Variants in LRRTM4 observed in about 807,000 individuals in gnomAD.
The protein encoded by LRRTM4 is leucine-rich repeat transmembrane neuronal protein 4.
In LRRTM4, 25 loss-of-function variants were observed where a neutral mutation model predicts 47.6. The observed-to-expected ratio is 0.53, with a 90% CI of 0.38 to 0.73. LRRTM4 has a LOEUF of 0.73. LRRTM4 is among the 30% of genes least tolerant of loss of function. The probability of loss-of-function intolerance (pLI) is 0.00; values close to 1 mark genes in which losing one functional copy is unlikely to be tolerated. For missense variants in LRRTM4, 638 were observed against 713.4 expected, an observed-to-expected ratio of 0.89 and a Z score of 1.20; for synonymous variants, 311 against 269.5, an observed-to-expected ratio of 1.15 and a Z score of -1.51.
chr2:76,940,820 A>C, intron 3 of LRRTM4, among the ~76,000 whole-genome samples: 1 of 152,102 alleles, frequency 6.6e-6, no homozygotes, highest in Non-Finnish European at 1.5e-5. Flanking sequence ...CCAGAATTTA[A>C]ACCTGATAGC....
chr2:77,054,389 C>G (rs918040373), intron 3 of LRRTM4, among the ~76,000 whole-genome samples: 4 of 152,206 alleles, frequency 2.6e-5, no homozygotes, highest in African/African-American at 9.7e-5. Context: ...AGCAGCCACT[C>G]TTATTTCCAA....
chr2:77,146,012 T>G (rs919250663), intron 3 of LRRTM4, among the ~76,000 whole-genome samples: 2 of 152,056 alleles, frequency 1.3e-5, no homozygotes, highest in Admixed American at 6.6e-5. Context: ...CTGCTTCAGG[T>G]TGGGTAAACA....
At chr2:77,087,976 A>G (rs1000757597) in intron 3 of LRRTM4, among the ~76,000 whole-genome samples, 10 of 152,138 alleles carry the variant, frequency 6.6e-5, no homozygotes, top group Admixed American at 2.0e-4. Context: ...GTTGAGTGCA[A>G]CCCCAGAGAT....
At chr2:76,893,271 A>T (rs1673311599) in intron 3 of LRRTM4, among the ~76,000 whole-genome samples, 2 of 151,616 alleles carry the variant, frequency 1.3e-5, no homozygotes, top group African/African-American at 2.4e-5. Context: ...ACATACAAGA[A>T]ATTCTAATTT....
intron 3 of LRRTM4, among the ~76,000 whole-genome samples, chr2:77,224,812 C>T (rs975729061): frequency 4.9e-4 from 74 of 152,190 alleles, no homozygotes; most frequent in African/African-American, 1.8e-3. Context: ...GGTGATTCCT[C>T]TCAGGGATCT....
intron 3 of LRRTM4, among the ~76,000 whole-genome samples, chr2:77,027,981 TAA>T (rs11368002): frequency 2.0e-5 from 3 of 149,528 alleles, no homozygotes; most frequent in Non-Finnish European, 3.0e-5. Flanking sequence ...GTTTACAAAT[TAA>T]AAAAAAAACT....
chr2:77,296,395 T>G lies in LRRTM4; in HGVS notation c.1551+221923A>C, dbSNP rs137856632. ...AGCATCTTCGATTTTTTTGGCCTAT[T>G]TATTCAGTAACAGTATCATTACCTT... On this transcript the variant is annotated intron_variant, in intron 3 of 3. Coordinates refer to ENST00000409884, the MANE Select transcript of LRRTM4 (RefSeq NM_001134745.3). 1.6e-3 allele frequency among the ~76,000 whole-genome samples: 241 copies of G among 152,284 alleles called. 1 individual carries two copies. Among genetic ancestry groups the G allele is most frequent in the African/African-American group, 5.5e-3 (227 of 41,578 alleles).
intron 3 of LRRTM4, among the ~76,000 whole-genome samples, chr2:76,757,204 A>C (rs12612861): frequency 0.073 from 11,081 of 152,134 alleles, 782 homozygotes; most frequent in East Asian, 0.31. Context: ...GACTATTGGG[A>C]CAATTTTAAA....
intron 3 of LRRTM4, among the ~76,000 whole-genome samples, chr2:77,509,007 A>G (rs1261577068): frequency 6.6e-6 from 1 of 152,170 alleles, no homozygotes; most frequent in Non-Finnish European, 1.5e-5. Flanking sequence ...CAGGGCGGGC[A>G]GATCACCCGA....
chr2:77,381,373 A>G (rs1267670899), intron 3 of LRRTM4, among the ~76,000 whole-genome samples: 1 of 152,114 alleles, frequency 6.6e-6, no homozygotes, highest in African/African-American at 2.4e-5. Flanking sequence ...TCTTGTATAG[A>G]TGATATCATT....
At chr2:77,414,024 T>G (rs1033288343) in intron 3 of LRRTM4, among the ~76,000 whole-genome samples, 1 of 152,132 alleles carries the variant, frequency 6.6e-6, no homozygotes, top group African/African-American at 2.4e-5. Context: ...TGAGGAGATA[T>G]TTGCAATACT....
chr2:77,210,550 A>G (rs141119323), intron 3 of LRRTM4, among the ~76,000 whole-genome samples: 13 of 152,198 alleles, frequency 8.5e-5, no homozygotes, highest in Non-Finnish European at 1.6e-4. Context: ...TAATCTTTAT[A>G]TCCATTTTAT....
intron 3 of LRRTM4, among the ~76,000 whole-genome samples, chr2:77,186,831 G>A (rs1338235442): frequency 2.0e-5 from 3 of 152,102 alleles, no homozygotes; most frequent in African/African-American, 4.8e-5. Context: ...ATACTACAAC[G>A]AATCTTCAGA....
intron 3 of LRRTM4, among the ~76,000 whole-genome samples, chr2:76,825,391 T>C (rs1378560937): frequency 1.3e-5 from 2 of 151,572 alleles, no homozygotes; most frequent in Admixed American, 1.3e-4. Context: ...ATATTCTGAA[T>C]AGAGAGGGAA....
chr2:77,303,684 C>T (rs905680816), intron 3 of LRRTM4, among the ~76,000 whole-genome samples: 3 of 152,160 alleles, frequency 2.0e-5, no homozygotes, highest in Admixed American at 2.0e-4. Context: ...TTTTAGATTT[C>T]ACATGTAAGT....
chr2:77,205,562 G>C (rs146788944), intron 3 of LRRTM4, among the ~76,000 whole-genome samples: 1 of 152,246 alleles, frequency 6.6e-6, no homozygotes, highest in Non-Finnish European at 1.5e-5. Flanking sequence ...GTGTCCAGGA[G>C]AGCTACGGAG....
At chr2:77,414,442 C>G (rs1274947412) in intron 3 of LRRTM4, among the ~76,000 whole-genome samples, 1 of 152,142 alleles carries the variant, frequency 6.6e-6, no homozygotes, top group African/African-American at 2.4e-5. Context: ...CTCCCCAGAC[C>G]TTGTCTTGAT....
intron 3 of LRRTM4, among the ~76,000 whole-genome samples, chr2:77,175,243 G>C (rs1673162021): frequency 6.6e-6 from 1 of 151,730 alleles, no homozygotes; most frequent in Non-Finnish European, 1.5e-5. Context: ...GAAAAGCTGA[G>C]TCTCGGGAGA....
intron 3 of LRRTM4, among the ~76,000 whole-genome samples, chr2:77,375,389 A>G (rs560984716): frequency 2.6e-5 from 4 of 151,874 alleles, no homozygotes; most frequent in African/African-American, 7.2e-5. Flanking sequence ...AAACATATCC[A>G]TCACCTCCAA....
Sources: allele counts gnomAD v4.1 joint callset (sites outside exome capture counted in the v4.1 genomes callset), GRCh38; gene constraint gnomAD v4.1.1; transcripts MANE v1.5; gene names NCBI Gene and HGNC (gene_info 2026-07-23, HGNC 2026-07-21).